Variants in CDH8 observed in about 807,000 individuals in gnomAD.
CDH8 encodes cadherin-8.
In CDH8, 17 loss-of-function variants were observed where a neutral mutation model predicts 68.1. The ratio of observed to expected loss-of-function variants is 0.25; its 90% confidence interval spans 0.17 to 0.37. CDH8 has a LOEUF of 0.37. Ranked by LOEUF, CDH8 falls within the 10% of genes least tolerant of loss-of-function variation. The probability of loss-of-function intolerance (pLI) is 1.00; values close to 1 mark genes in which losing one functional copy is unlikely to be tolerated. For missense variants in CDH8, 763 were observed against 999.3 expected (o/e 0.76, Z 3.19); for synonymous variants, 372 against 365.1 (o/e 1.02, Z -0.21).
intron 10 of CDH8, among the ~76,000 whole-genome samples, chr16:61,677,272 C>T (rs16963799): frequency 0.13 from 20,201 of 149,984 alleles, 1,544 homozygotes; most frequent in African/African-American, 0.2. Context: ...GCTGATATAG[C>T]TGTAACCTGT....
At chr16:61,965,280 A>G (rs528520196) in intron 2 of CDH8, among the ~76,000 whole-genome samples, 1 of 152,230 alleles carries the variant, frequency 6.6e-6, no homozygotes, top group Non-Finnish European at 1.5e-5. Context: ...TTCGCAGCCA[A>G]TTTCCCATTC....
chr16:61,843,948 C>T (rs1484270513), intron 4 of CDH8, among the ~76,000 whole-genome samples: 1 of 152,078 alleles, frequency 6.6e-6, no homozygotes, highest in Non-Finnish European at 1.5e-5. Flanking sequence ...GATGGTATCT[C>T]ATTGTGGTTT....
intron 6 of CDH8, chr16:61,817,973 G>T (rs1361658814): frequency 7.8e-6 from 3 of 386,734 alleles, no homozygotes; most frequent in Non-Finnish European, 1.4e-5. Flanking sequence ...ATTTCACTTG[G>T]AATTCACAAA....
intron 4 of CDH8, among the ~76,000 whole-genome samples, chr16:61,828,402 T>G (rs1962388544): frequency 6.6e-6 from 1 of 151,930 alleles, no homozygotes; most frequent in Non-Finnish European, 1.5e-5. Flanking sequence ...GCTTTCACTA[T>G]TCTACAGACT....
intron 10 of CDH8, chr16:61,692,045 A>G (rs1470174873): frequency 1.3e-5 from 2 of 152,140 alleles, no homozygotes; most frequent in African/African-American, 4.8e-5. Flanking sequence ...TTTATCATCC[A>G]AATACTTTGG....
In CDH8 at chr16:61,857,163, C is replaced by T; in HGVS notation, c.623G>A (p.Ser208Asn). ...VYGNSAKLVY[S>N]ILEGQPYFSI... ...AAAATAAGGCTGCCCTTCCAATATA[C>T]TATAAACCAACTTTGCACTGTTTCC... The change falls in exon 4 of 12, where the codon AGT becomes AAT. Residue 208 changes from serine (S) to asparagine (N), a missense_variant. Transcript: ENST00000577390. 6.2e-7 allele frequency: 1 copy of T among 1,613,626 alleles called. No homozygotes were observed. Among genetic ancestry groups the T allele is most frequent in the Non-Finnish European group, 8.5e-7 (1 of 1,179,664 alleles).
At chr16:61,763,961 T>C (rs559807460) in intron 8 of CDH8, among the ~76,000 whole-genome samples, 1 of 152,194 alleles carries the variant, frequency 6.6e-6, no homozygotes, top group Non-Finnish European at 1.5e-5. Context: ...TTGAACATGA[T>C]ATGCTAGTTT....
At chr16:61,948,855 C>T (rs1285561454) in intron 2 of CDH8, among the ~76,000 whole-genome samples, 3 of 152,104 alleles carry the variant, frequency 2.0e-5, no homozygotes, top group South Asian at 2.1e-4. Flanking sequence ...TAACCCATCC[C>T]GACATCAGTG....
chr16:61,962,978 T>C (rs1391787996), intron 2 of CDH8, among the ~76,000 whole-genome samples: 2 of 152,240 alleles, frequency 1.3e-5, no homozygotes, highest in African/African-American at 4.8e-5. Context: ...CAATGTTGTA[T>C]TTTTAATGAC....
chr16:61,691,142 G>C (rs1172550190), intron 10 of CDH8, among the ~76,000 whole-genome samples: 3 of 152,122 alleles, frequency 2.0e-5, no homozygotes, highest in South Asian at 2.1e-4. Context: ...GTCAGTCCAG[G>C]TTAACTTCCT....
chr16:61,870,428 G>C (rs9635516), intron 3 of CDH8, among the ~76,000 whole-genome samples: 1 of 152,248 alleles, frequency 6.6e-6, no homozygotes, highest in East Asian at 1.9e-4. Context: ...AGCTGTTCTT[G>C]TATTTAGATT....
intron 8 of CDH8, among the ~76,000 whole-genome samples, chr16:61,728,670 G>T (rs141947717): frequency 0.023 from 3,514 of 151,064 alleles, 67 homozygotes; most frequent in Non-Finnish European, 0.035. Context: ...CAAAACTCTA[G>T]GAAGTTTATA....
chr16:61,870,239 G>A (rs1963331571), intron 3 of CDH8, among the ~76,000 whole-genome samples: 1 of 152,210 alleles, frequency 6.6e-6, no homozygotes, highest in African/African-American at 2.4e-5. Flanking sequence ...GCATGCTGAT[G>A]AGATACACAA....
chr16:61,672,768 T>A (rs1221556910), intron 10 of CDH8, among the ~76,000 whole-genome samples: 1 of 152,022 alleles, frequency 6.6e-6, no homozygotes, highest in African/African-American at 2.4e-5. Flanking sequence ...TATGTTAAGA[T>A]AAAAGTAAGG....
chr16:61,978,656 A>C (rs2150581203), intron 2 of CDH8, among the ~76,000 whole-genome samples: 1 of 152,246 alleles, frequency 6.6e-6, no homozygotes, highest in Admixed American at 6.5e-5. Context: ...CATATGAGAA[A>C]ATTGACGTTC....
intron 10 of CDH8, among the ~76,000 whole-genome samples, chr16:61,665,738 C>A (rs1963656089): frequency 6.9e-6 from 1 of 144,172 alleles, no homozygotes; most frequent in South Asian, 2.2e-4. Flanking sequence ...ATTTATCCCA[C>A]AGTCTGAATT....
intron 2 of CDH8, among the ~76,000 whole-genome samples, chr16:61,913,113 C>A (rs1365281651): frequency 6.6e-6 from 1 of 152,078 alleles, no homozygotes; most frequent in East Asian, 1.9e-4. Flanking sequence ...AAAACTTCAA[C>A]AATTTGCATA....
At chr16:62,020,940 A>C (rs1035741368) in intron 2 of CDH8, among the ~76,000 whole-genome samples, 1 of 151,696 alleles carries the variant, frequency 6.6e-6, no homozygotes, top group African/African-American at 2.4e-5. Context: ...AGCCGGGTGG[A>C]AGAGGTGGTA....
At chr16:61,959,360 C>T (rs971856879) in intron 2 of CDH8, among the ~76,000 whole-genome samples, 1 of 152,166 alleles carries the variant, frequency 6.6e-6, no homozygotes, top group African/African-American at 2.4e-5. Flanking sequence ...CTCTCTTTTG[C>T]TTACGTGAAT....
Sources: gnomAD v4.1 joint callset for allele counts (sites outside exome capture counted in the v4.1 genomes callset) on GRCh38, gnomAD v4.1.1 for gene constraint, MANE v1.5 for transcripts, NCBI Gene and HGNC (gene_info 2026-07-23, HGNC 2026-07-21) for gene names.